Variants in ATF6 observed in about 807,000 individuals in gnomAD.
ATF6 encodes the protein activating transcription factor 6, also known as cyclic AMP-dependent transcription factor ATF-6 alpha.
In ATF6, 53 loss-of-function variants were observed where a neutral mutation model predicts 83.6. That is an observed-to-expected ratio of 0.63 (90% confidence interval 0.51 to 0.80). The LOEUF (loss-of-function observed/expected upper bound fraction) is 0.80. ATF6 is among the 30% of genes least tolerant of loss of function. The pLI, the probability that ATF6 is intolerant of heterozygous loss-of-function variation, is 0.00. For missense variants in ATF6, 744 were observed against 797.9 expected, an observed-to-expected ratio of 0.93 and a Z score of 0.81; for synonymous variants, 288 against 285.8, an observed-to-expected ratio of 1.01 and a Z score of -0.08.
At chr1:161,812,850 G>C (rs1685509656) in intron 7 of ATF6, among the ~76,000 whole-genome samples, 1 of 150,108 alleles carries the variant, frequency 6.7e-6, no homozygotes, top group African/African-American at 2.5e-5. Context: ...TATTTGTATG[G>C]TACATTATAG....
chr1:161,886,432 A>G (rs1687422811), intron 14 of ATF6, among the ~76,000 whole-genome samples: 3 of 152,234 alleles, frequency 2.0e-5, no homozygotes, highest in African/African-American at 7.2e-5. Context: ...GCAATGGGAT[A>G]CATTCTAGGA....
At chr1:161,954,865 T>G (rs909269240) in intron 15 of ATF6, among the ~76,000 whole-genome samples, 2 of 152,212 alleles carry the variant, frequency 1.3e-5, no homozygotes, top group Admixed American at 1.3e-4. Flanking sequence ...CTCATTCTGT[T>G]TACTCAGAAA....
intron 9 of ATF6, among the ~76,000 whole-genome samples, chr1:161,832,557 T>TA (rs1686091937): frequency 6.6e-6 from 1 of 152,226 alleles, no homozygotes; most frequent in South Asian, 2.1e-4. Context: ...ACTACCACCC[T>TA]AATACTGTGC....
intron 15 of ATF6, among the ~76,000 whole-genome samples, chr1:161,915,143 A>C (rs967405204): frequency 2.0e-5 from 3 of 152,186 alleles, no homozygotes; most frequent in Admixed American, 6.5e-5. Context: ...GTCATCATGC[A>C]AGAGCTACAT....
chr1:161,809,217 C>T (rs1477271861), intron 7 of ATF6, among the ~76,000 whole-genome samples: 2 of 152,030 alleles, frequency 1.3e-5, no homozygotes, highest in East Asian at 1.9e-4. Context: ...ACGACAGGCC[C>T]TGGTGTGTGA....
rs953360733 is a variant in ATF6, at chr1:161,936,822, T to C, written c.1805-21624T>C. Among the ~76,000 whole-genome samples the C allele has an allele frequency of 4.6e-5, 7 of 152,226 alleles. 1 individual carries two copies. The highest frequency in any genetic ancestry group is 1.7e-4 in the African/African-American group (7 of 41,460). On this transcript the variant is annotated intron_variant, in intron 15 of 15. Transcript: ENST00000367942. The stretch of plus-strand genomic sequence containing the variant: ...TCTTCACTTAGATGATTCCTGTCAG[T>C]TCACACTTAACCAAACTGATTTCCA...
rs577478714 is a variant in ATF6 at position 161,829,499 on chromosome 1, T to C, written c.1187+8338T>C. The stretch of plus-strand genomic sequence containing the variant: ...CGCACTTATTCCAAAATTGACCACA[T>C]AGTTGGAAGTAAAGTAGACCAATAT... On this transcript the variant is annotated intron_variant, in intron 9 of 15. Transcript: ENST00000367942. Among the ~76,000 whole-genome samples, 56 of 152,156 alleles carry C rather than the reference T, an allele frequency of 3.7e-4. 2 individuals are homozygous for C. The South Asian group carries it at 0.011, about 30-fold the overall frequency.
At chr1:161,911,130 C>G (rs915386663) in intron 14 of ATF6, among the ~76,000 whole-genome samples, 2 of 152,082 alleles carry the variant, frequency 1.3e-5, no homozygotes, top group African/African-American at 4.8e-5. Context: ...TCAGATCCTA[C>G]TTTTTGATGA....
rs1328444721 is a variant in ATF6 at position 161,804,658 on chromosome 1, C to G, written c.909+2386C>G. On this transcript the variant is annotated intron_variant, in intron 7 of 15. Coordinates refer to ENST00000367942, the MANE Select transcript of ATF6 (RefSeq NM_007348.4). ...TGATACAATCATTGTATTTAAAAACCAGAAGAGCAACCCCCCTGCCTTTTT... is the reference window on the plus strand; with the variant it reads ...TGATACAATCATTGTATTTAAAAACGAGAAGAGCAACCCCCCTGCCTTTTT... Among the ~76,000 whole-genome samples the G allele has an allele frequency of 2.1e-5, 3 of 143,324 alleles. No homozygotes were observed. The East Asian group carries it at 6.0e-4, about 29-fold the overall frequency. 94.0% of individuals were successfully genotyped at this position (143,324 alleles called of 152,430 possible).
rs185322474 is a variant in ATF6 at position 161,945,578 on chromosome 1, G to A, written c.1805-12868G>A. Among the ~76,000 whole-genome samples the A allele has an allele frequency of 2.1e-3, 321 of 152,320 alleles. No homozygotes were observed. The Middle Eastern group carries it at 0.024, about 11-fold the overall frequency. ...ATTCTTGAATGACTTTTCACTGGGA[G>A]ATAGTATACTTATCTTTTTCAACAA... On this transcript the variant is annotated intron_variant, in intron 15 of 15. Coordinates refer to ENST00000367942, the MANE Select transcript of ATF6 (RefSeq NM_007348.4).
chr1:161,801,099 A>G (rs1685133081), intron 6 of ATF6, among the ~76,000 whole-genome samples: 1 of 152,132 alleles, frequency 6.6e-6, no homozygotes, highest in Non-Finnish European at 1.5e-5. Context: ...AGCACTCAAA[A>G]AGTTTTGGAT....
At chr1:161,877,327 G>A (rs1477472050) in intron 14 of ATF6, among the ~76,000 whole-genome samples, 1 of 152,100 alleles carries the variant, frequency 6.6e-6, no homozygotes. Context: ...GATATAGTAA[G>A]CATGATGAAA....
chr1:161,831,581 G>T (rs908282504), intron 9 of ATF6, among the ~76,000 whole-genome samples: 42 of 152,096 alleles, frequency 2.8e-4, no homozygotes, highest in African/African-American at 1.0e-3. Flanking sequence ...TTAAGAAAAT[G>T]TGTCACATAT....
intron 14 of ATF6, among the ~76,000 whole-genome samples, chr1:161,903,961 C>T (rs1687838595): frequency 6.6e-6 from 1 of 152,108 alleles, no homozygotes; most frequent in Admixed American, 6.6e-5. Context: ...AATTGTTTTT[C>T]AAGAGTTGAG....
chr1:161,785,815 G>A (rs543305178), intron 4 of ATF6, among the ~76,000 whole-genome samples: 3 of 152,246 alleles, frequency 2.0e-5, no homozygotes, highest in Admixed American at 2.0e-4. Context: ...TCAGCAGTAT[G>A]TAAGAGGGCC....
intron 15 of ATF6, among the ~76,000 whole-genome samples, chr1:161,931,575 CA>C (rs906263387): frequency 1.2e-5 from 1 of 85,880 alleles, no homozygotes; most frequent in African/African-American, 3.1e-5. Context: ...CATATCACCC[CA>C]AAAGAACCCA....
At chr1:161,916,030 C>A (rs1236646669) in intron 15 of ATF6, among the ~76,000 whole-genome samples, 1 of 152,204 alleles carries the variant, frequency 6.6e-6, no homozygotes, top group Non-Finnish European at 1.5e-5. Flanking sequence ...GACTTACACT[C>A]ACTGCTTCTA....
At chr1:161,841,105 C>G (rs1686346972) in intron 9 of ATF6, among the ~76,000 whole-genome samples, 1 of 152,094 alleles carries the variant, frequency 6.6e-6, no homozygotes, top group Admixed American at 6.6e-5. Context: ...TGCAAAAGCA[C>G]TCATGGCAAG....
At chr1:161,893,433 T>C (rs1687600900) in intron 14 of ATF6, among the ~76,000 whole-genome samples, 2 of 152,238 alleles carry the variant, frequency 1.3e-5, no homozygotes, top group Admixed American at 1.3e-4. Flanking sequence ...CCTAAAGTGC[T>C]GGGATTACAG....
Sources: allele counts gnomAD v4.1 joint callset (sites outside exome capture counted in the v4.1 genomes callset), GRCh38; gene constraint gnomAD v4.1.1; transcripts MANE v1.5; gene names NCBI Gene and HGNC (gene_info 2026-07-23, HGNC 2026-07-21).